ITPR1: variants seen among roughly 807,000 people sequenced by gnomAD.
ITPR1 encodes the protein inositol 1,4,5-trisphosphate receptor type 1.
ITPR1 carries 96 observed loss-of-function variants against 318.4 expected under a neutral mutation model. The observed-to-expected ratio is 0.30, with a 90% CI of 0.26 to 0.36. ITPR1 has a LOEUF of 0.36. ITPR1 is among the 10% of genes least tolerant of loss of function. The probability of loss-of-function intolerance (pLI) is 1.00; values close to 1 mark genes in which losing one functional copy is unlikely to be tolerated. For missense variants in ITPR1, 2,440 were observed against 3,460.2 expected, an observed-to-expected ratio of 0.71 and a Z score of 7.40; for synonymous variants, 1,312 against 1,289.9, an observed-to-expected ratio of 1.02 and a Z score of -0.37.
At chr3:4,571,237 G>C (rs928116160) in intron 4 of ITPR1, among the ~76,000 whole-genome samples, 2 of 152,192 alleles carry the variant, frequency 1.3e-5, no homozygotes, top group African/African-American at 4.8e-5. Context: ...GAGGAGTGAA[G>C]AGCTGGGACT....
chr3:4,598,140 T>G (rs2090994451), intron 4 of ITPR1, among the ~76,000 whole-genome samples: 1 of 152,202 alleles, frequency 6.6e-6, no homozygotes, highest in Non-Finnish European at 1.5e-5. Context: ...TCCTCTCAGT[T>G]AAAATTTGTA....
At chr3:4,672,640 A>T (rs2094110706) in intron 20 of ITPR1, among the ~76,000 whole-genome samples, 1 of 152,212 alleles carries the variant, frequency 6.6e-6, no homozygotes, top group African/African-American at 2.4e-5. Context: ...TGTAAATGAA[A>T]TGTTTTTTTA....
rs2094158645 is a variant in ITPR1, at chr3:4,675,163, T to C, written c.2694T>C (p.Cys898=). The change falls in exon 23 of 62, where the codon TGT becomes TGC. Residue 898 remains cysteine, a synonymous_variant. Transcript: ENST00000649015. The stretch of plus-strand genomic sequence containing the variant: ...AGATCCTTCTGGCCATATTGGACTG[T>C]GTACATGTGACAACAATCTTCCCCA... ...LTKILLAILD[C]VHVTTIFPIS... is the part of the protein sequence containing the mutation. 1.2e-6 allele frequency: 2 copies of C among 1,611,908 alleles called. No homozygotes were observed. The highest frequency in any genetic ancestry group is 1.7e-6 in the Non-Finnish European group (2 of 1,178,318).
chr3:4,773,672 G>A (rs188865118), intron 46 of ITPR1, among the ~76,000 whole-genome samples: 38 of 152,254 alleles, frequency 2.5e-4, no homozygotes, highest in African/African-American at 7.5e-4. Flanking sequence ...CTCCTCCAGC[G>A]CCCCTGCACA....
intron 54 of ITPR1, among the ~76,000 whole-genome samples, chr3:4,804,807 G>C (rs116439772): frequency 6.6e-6 from 1 of 152,168 alleles, no homozygotes; most frequent in Non-Finnish European, 1.5e-5. Context: ...AGCCAGCAGC[G>C]ATCTGTGGGT....
chr3:4,736,374 T>A (rs2043271239), intron 44 of ITPR1, among the ~76,000 whole-genome samples: 2 of 152,272 alleles, frequency 1.3e-5, no homozygotes, highest in Admixed American at 1.3e-4. Context: ...TGAGTCAGTG[T>A]GCCCCCGGCC....
At chr3:4,676,168 C>A (rs1472783435) in intron 23 of ITPR1, among the ~76,000 whole-genome samples, 2 of 141,552 alleles carry the variant, frequency 1.4e-5, no homozygotes, top group African/African-American at 5.2e-5. Flanking sequence ...ATAGAGAGAA[C>A]CTATCTCTAC....
intron 44 of ITPR1, among the ~76,000 whole-genome samples, chr3:4,760,982 A>G (rs190906019): frequency 1.3e-5 from 2 of 152,322 alleles, no homozygotes; most frequent in African/African-American, 4.8e-5. Flanking sequence ...GAACATGGAC[A>G]TGTCTGCGGG....
chr3:4,765,034 A>G (rs766384541), intron 44 of ITPR1, among the ~76,000 whole-genome samples: 1 of 151,494 alleles, frequency 6.6e-6, no homozygotes, highest in Non-Finnish European at 1.5e-5. Flanking sequence ...AGATGGATGA[A>G]TGGATGGATG....
At chr3:4,781,052 G>T (rs1423163290) in intron 49 of ITPR1, among the ~76,000 whole-genome samples, 1 of 152,220 alleles carries the variant, frequency 6.6e-6, no homozygotes, top group Non-Finnish European at 1.5e-5. Context: ...GCGTACATAC[G>T]TGTGTATGCT....
chr3:4,526,598 A>T (rs1368855309), intron 4 of ITPR1, among the ~76,000 whole-genome samples: 7 of 152,378 alleles, frequency 4.6e-5, no homozygotes, highest in Middle Eastern at 3.4e-3. Context: ...GCCAATGTTA[A>T]TACAGCATTT....
chr3:4,827,051 C>T (rs541879826), intron 60 of ITPR1, among the ~76,000 whole-genome samples: 36 of 152,350 alleles, frequency 2.4e-4, no homozygotes, highest in African/African-American at 8.4e-4. Context: ...CTTCGTCCAA[C>T]GATGTATGAG....
At chr3:4,634,893 C>G (rs2093134061) in intron 5 of ITPR1, among the ~76,000 whole-genome samples, 1 of 152,202 alleles carries the variant, frequency 6.6e-6, no homozygotes, top group African/African-American at 2.4e-5. Flanking sequence ...CATGCACCAC[C>G]ACACCTGGCT....
rs1202494098 is a variant in ITPR1, at chr3:4,711,843, C to T, written c.5078C>T (p.Thr1693Ile). Residue 1693 changes from threonine (T) to isoleucine (I), a missense_variant, in exon 39 of 62, where the codon ACC becomes ATC. Transcript: ENST00000649015. ...CTACAGACCCTGAGGGAAATGATGACCAAAGATAGAGGCTATGGAGAAAAG... is the reference window on the plus strand; with the variant it reads ...CTACAGACCCTGAGGGAAATGATGATCAAAGATAGAGGCTATGGAGAAAAG... ...KVLQTLREMM[T>I]KDRGYGEKLI... 3 of 1,528,766 alleles carry T rather than the reference C, an allele frequency of 2.0e-6. No homozygotes were observed. In the African/African-American group the frequency reaches 4.2e-5, roughly 21 times the overall value. The allele number at this position is 1,528,766 out of a possible 1,614,324, so 94.7% of individuals were successfully genotyped here.
chr3:4,619,553 C>T (rs1364768152), intron 4 of ITPR1, among the ~76,000 whole-genome samples: 1 of 128,758 alleles, frequency 7.8e-6, no homozygotes, highest in African/African-American at 3.1e-5. Context: ...GCCGCCCTTT[C>T]CCCCTTCCCC....
intron 2 of ITPR1, among the ~76,000 whole-genome samples, chr3:4,495,556 T>C (rs1386689614): frequency 6.6e-6 from 1 of 152,152 alleles, no homozygotes; most frequent in African/African-American, 2.4e-5. Context: ...AGCCAAGGAT[T>C]AGGCCCAGTT....
chr3:4,743,108 GT>G (rs2043826976), intron 44 of ITPR1, among the ~76,000 whole-genome samples: 1 of 152,240 alleles, frequency 6.6e-6, no homozygotes, highest in South Asian at 2.1e-4. Flanking sequence ...CTTCTTTGTG[GT>G]TTGAAGTGCT....
intron 32 of ITPR1, among the ~76,000 whole-genome samples, chr3:4,692,362 G>C (rs12715419): frequency 6.6e-6 from 1 of 151,878 alleles, no homozygotes; most frequent in Non-Finnish European, 1.5e-5. Flanking sequence ...TTTGGAAGCC[G>C]GTCATACTCT....
At chr3:4,735,851 T>A (rs1222022722) in intron 44 of ITPR1, among the ~76,000 whole-genome samples, 1 of 152,246 alleles carries the variant, frequency 6.6e-6, no homozygotes, top group Admixed American at 6.5e-5. Flanking sequence ...CCAAATCAAT[T>A]TGAAATACTA....
Sources: allele counts gnomAD v4.1 joint callset (sites outside exome capture counted in the v4.1 genomes callset), GRCh38; gene constraint gnomAD v4.1.1; transcripts MANE v1.5; gene names NCBI Gene and HGNC (gene_info 2026-07-23, HGNC 2026-07-21).